The following NTM variants were observed in gnomAD, a reference collection of about 807,000 sequenced individuals.
NTM encodes IgLON family member 2.
In NTM, 13 loss-of-function variants were observed where a neutral mutation model predicts 42.1. The ratio of observed to expected loss-of-function variants is 0.31; its 90% CI spans 0.20 to 0.49. The LOEUF (loss-of-function observed/expected upper bound fraction) is 0.49. Among genes scored for constraint, NTM ranks in the 20% least tolerant of loss-of-function variants. The pLI is 0.99. For missense variants in NTM, 373 were observed against 452.8 expected (o/e 0.82, Z 1.60); for synonymous variants, 187 against 179.2 (o/e 1.04, Z -0.35).
chr11:132,174,470 A>G (rs990112016), intron 3 of NTM, among the ~76,000 whole-genome samples: 7 of 152,226 alleles, frequency 4.6e-5, no homozygotes, highest in African/African-American at 1.7e-4. Flanking sequence ...GGGTAACAGA[A>G]TCGATGCTAG....
chr11:131,882,331 G>A (rs537818541), intron 1 of NTM, among the ~76,000 whole-genome samples: 113 of 152,334 alleles, frequency 7.4e-4, no homozygotes, highest in African/African-American at 2.6e-3. Flanking sequence ...CTGGCTGGCA[G>A]AATTCCCTCA....
intron 1 of NTM, among the ~76,000 whole-genome samples, chr11:131,457,518 C>A (rs574412148): frequency 1.3e-5 from 2 of 152,168 alleles, no homozygotes; most frequent in African/African-American, 4.8e-5. Flanking sequence ...GGGGGTTATT[C>A]CATTTGCCGA....
intron 2 of NTM, among the ~76,000 whole-genome samples, chr11:132,134,726 T>C (rs2067484253): frequency 1.5e-5 from 1 of 66,170 alleles, no homozygotes; most frequent in African/African-American, 9.7e-5. Flanking sequence ...TATATATATA[T>C]ATATATATAT....
intron 1 of NTM, among the ~76,000 whole-genome samples, chr11:131,475,489 TGAG>T (rs201130053): frequency 2.0e-5 from 3 of 151,640 alleles, no homozygotes; most frequent in African/African-American, 4.8e-5. Context: ...AAAATTGCCC[TGAG>T]GAGGAGGAGG....
intron 1 of NTM, among the ~76,000 whole-genome samples, chr11:131,656,028 C>T (rs1279578375): frequency 6.6e-6 from 1 of 152,184 alleles, no homozygotes; most frequent in African/African-American, 2.4e-5. Flanking sequence ...GTGGTCAGTT[C>T]CCCCTGCTTT....
chr11:131,594,678 G>A (rs1288176830), intron 1 of NTM, among the ~76,000 whole-genome samples: 1 of 152,108 alleles, frequency 6.6e-6, no homozygotes, highest in Admixed American at 6.5e-5. Context: ...GGATTTATAG[G>A]CATGAGCCAC....
At chr11:132,031,360 G>C (rs544975502) in intron 2 of NTM, among the ~76,000 whole-genome samples, 2 of 152,258 alleles carry the variant, frequency 1.3e-5, no homozygotes, top group Admixed American at 1.3e-4. Context: ...AGACTCCAAG[G>C]GTCAAGTTGG....
At chr11:132,026,344 AGTATCATTCATCAGG>A (rs1341975918) in intron 2 of NTM, among the ~76,000 whole-genome samples, 1 of 152,146 alleles carries the variant, frequency 6.6e-6, no homozygotes, top group Non-Finnish European at 1.5e-5. Context: ...CTTTCAGAAA[AGTATCATTCATCAGG>A]AGTACAAATA....
chr11:131,726,808 G>A (rs1291153977), intron 1 of NTM, among the ~76,000 whole-genome samples: 1 of 150,598 alleles, frequency 6.6e-6, no homozygotes, highest in African/African-American at 2.5e-5. Flanking sequence ...AAACCTAATG[G>A]GCTCAAGTGA....
intron 4 of NTM, among the ~76,000 whole-genome samples, chr11:132,264,473 T>C (rs2139590043): frequency 6.6e-6 from 1 of 152,342 alleles, no homozygotes; most frequent in South Asian, 2.1e-4. Flanking sequence ...TACTTTATTT[T>C]ATAGTATCAT....
At chr11:131,894,959 G>A (rs991411083) in intron 1 of NTM, among the ~76,000 whole-genome samples, 65 of 152,172 alleles carry the variant, frequency 4.3e-4, no homozygotes, top group African/African-American at 1.6e-3. Flanking sequence ...TGACGGATGG[G>A]TCTGCCAAGG....
Position 132,258,840 on chromosome 11 carries a change from G to A in NTM, c.526+46693G>A, listed in dbSNP as rs376890474. On this transcript the variant is annotated intron_variant, in intron 4 of 8. Transcript: ENST00000683400. ...TATTGTAGTGATTGAGTATTCACCT[G>A]TAAGATAGTGACAGACATCCTTCGT... Among the ~76,000 whole-genome samples the A allele has an allele frequency of 6.7e-4, 102 of 152,304 alleles. 1 individual carries two copies. The highest frequency in any genetic ancestry group is 3.4e-3 in the Middle Eastern group (1 of 294).
chr11:131,996,347 A>G (rs1030190662), intron 2 of NTM, among the ~76,000 whole-genome samples: 30 of 152,144 alleles, frequency 2.0e-4, no homozygotes, highest in Non-Finnish European at 4.4e-5. Context: ...ATGTAGAGTA[A>G]ATTAATATGT....
At chr11:132,260,394 G>A (rs781533854) in intron 4 of NTM, among the ~76,000 whole-genome samples, 1 of 152,106 alleles carries the variant, frequency 6.6e-6, no homozygotes. Flanking sequence ...ACAGCATCAT[G>A]CTGTCTCTGA....
intron 3 of NTM, among the ~76,000 whole-genome samples, chr11:132,182,318 T>C (rs1308004040): frequency 6.6e-6 from 1 of 152,174 alleles, no homozygotes; most frequent in Non-Finnish European, 1.5e-5. Flanking sequence ...GACTTTCATA[T>C]TTTTAAACAG....
rs920132144 is a variant in NTM, at chr11:131,401,702, G to T, written c.82+30814G>T. On this transcript the variant is annotated intron_variant, in intron 1 of 8. Transcript: ENST00000683400. ...AGACTATTAGAATGGTAAACTATTA[G>T]AAATCATAAAGAATTTCCTCCAGAT... Among the ~76,000 whole-genome samples the T allele has an allele frequency of 1.4e-3, 210 of 148,404 alleles. 1 individual carries two copies. The highest frequency in any genetic ancestry group is 5.2e-3 in the African/African-American group (210 of 40,216).
chr11:131,683,861 G>A (rs1286233204), intron 1 of NTM, among the ~76,000 whole-genome samples: 2 of 152,158 alleles, frequency 1.3e-5, no homozygotes, highest in African/African-American at 4.8e-5. Flanking sequence ...TCTCCCCGGG[G>A]TCTTCCCAGC....
chr11:132,219,127 T>C (rs2084557453), intron 4 of NTM, among the ~76,000 whole-genome samples: 1 of 151,902 alleles, frequency 6.6e-6, no homozygotes, highest in Non-Finnish European at 1.5e-5. Context: ...GCACACCCCA[T>C]CTGTTCTCCT....
intron 4 of NTM, among the ~76,000 whole-genome samples, chr11:132,299,053 T>G (rs756249685): frequency 2.0e-5 from 3 of 152,198 alleles, no homozygotes; most frequent in Non-Finnish European, 4.4e-5. Context: ...CCCAGAACTT[T>G]GGGAGGCCAA....
Sources: gnomAD v4.1 joint callset for allele counts (sites outside exome capture counted in the v4.1 genomes callset) on GRCh38, gnomAD v4.1.1 for gene constraint, MANE v1.5 for transcripts, NCBI Gene and HGNC (gene_info 2026-07-23, HGNC 2026-07-21) for gene names.